Variants in TENM2 observed in about 807,000 individuals in gnomAD.
The protein encoded by TENM2 is teneurin transmembrane protein 2.
In TENM2, 52 loss-of-function variants were observed where a neutral mutation model predicts 245.2. The ratio of observed to expected loss-of-function variants is 0.21; its 90% confidence interval spans 0.17 to 0.27. TENM2 has a LOEUF of 0.27. TENM2 is among the 10% of genes least tolerant of loss of function. TENM2 has a pLI of 1.00. For missense variants in TENM2, 3,046 were observed against 3,666.8 expected (o/e 0.83, Z 4.37); for synonymous variants, 1,363 against 1,438.9 (o/e 0.95, Z 1.19).
the TENM2 span, among the ~76,000 whole-genome samples, chr5:167,259,298 C>T: frequency 3.3e-5 from 5 of 152,262 alleles, no homozygotes; most frequent in Non-Finnish European, 5.9e-5. Context: ...GGATCTGGAG[C>T]TAGTTCCCAC....
chr5:167,462,329 G>A (rs1369860557), intron 2 of TENM2, among the ~76,000 whole-genome samples: 4 of 152,100 alleles, frequency 2.6e-5, no homozygotes, highest in Non-Finnish European at 4.4e-5. Context: ...CCCCATGGTA[G>A]CATCTACAGG....
intron 13 of TENM2, among the ~76,000 whole-genome samples, chr5:168,169,932 A>C (rs1758650275): frequency 6.6e-6 from 1 of 152,206 alleles, no homozygotes; most frequent in Admixed American, 6.5e-5. Flanking sequence ...TAGCTCCCAG[A>C]GAGAAAAGCA....
chr5:168,113,341 G>T (rs1474111395), intron 9 of TENM2, among the ~76,000 whole-genome samples: 1 of 151,930 alleles, frequency 6.6e-6, no homozygotes, highest in South Asian at 2.1e-4. Context: ...AATAATAATA[G>T]TAATAAAATG....
At chr5:167,408,867 A>G (rs1382542982) in intron 2 of TENM2, among the ~76,000 whole-genome samples, 1 of 150,356 alleles carries the variant, frequency 6.7e-6, no homozygotes, top group Non-Finnish European at 1.5e-5. Flanking sequence ...TATCTTACAT[A>G]TGGCATAGCA....
chr5:167,228,861 C>T, the TENM2 span, among the ~76,000 whole-genome samples: 8 of 152,132 alleles, frequency 5.3e-5, no homozygotes, highest in East Asian at 3.9e-4. Context: ...CCCGCCACCA[C>T]GCCCGGCTAC....
At chr5:168,249,868 A>G (rs944233697) in intron 27 of TENM2, among the ~76,000 whole-genome samples, 2 of 152,118 alleles carry the variant, frequency 1.3e-5, no homozygotes, top group Non-Finnish European at 2.9e-5. Flanking sequence ...ACAAAAAGAA[A>G]TGAAAGGAAA....
chr5:167,207,192 A>T, the TENM2 span, among the ~76,000 whole-genome samples: 3 of 152,200 alleles, frequency 2.0e-5, no homozygotes, highest in Admixed American at 1.3e-4. Context: ...TCTTGGTGAG[A>T]AATTGGCAGA....
At chr5:167,304,592 T>C (rs930142517) in intron 1 of TENM2, among the ~76,000 whole-genome samples, 4 of 152,252 alleles carry the variant, frequency 2.6e-5, no homozygotes, top group African/African-American at 9.6e-5. Context: ...GGAATATTTG[T>C]AACTTATTTT....
chr5:167,689,318 C>T (rs1465569987), intron 2 of TENM2, among the ~76,000 whole-genome samples: 3 of 152,158 alleles, frequency 2.0e-5, no homozygotes, highest in African/African-American at 7.2e-5. Flanking sequence ...CCCAGTTGCC[C>T]ATCCGAGCTT....
At chr5:168,037,538 C>CTTTTTTTTTT (rs35253311) in intron 5 of TENM2, among the ~76,000 whole-genome samples, 1 of 135,634 alleles carries the variant, frequency 7.4e-6, no homozygotes, top group Non-Finnish European at 1.5e-5. Flanking sequence ...CCATAATGGT[C>CTTTTTTTTTT]TTTTTTTTTT....
chr5:167,607,276 G>T (rs1400258105), intron 2 of TENM2, among the ~76,000 whole-genome samples: 1 of 152,132 alleles, frequency 6.6e-6, no homozygotes, highest in African/African-American at 2.4e-5. Context: ...GAGACTGAAT[G>T]CCCCACTGAA....
chr5:167,103,979 G>A, the TENM2 span, among the ~76,000 whole-genome samples: 119 of 151,808 alleles, frequency 7.8e-4, no homozygotes, highest in African/African-American at 2.7e-3. Context: ...CCTCTATACC[G>A]ACTGGCAAAC....
chr5:167,857,435 C>T (rs1183885140), intron 2 of TENM2, among the ~76,000 whole-genome samples: 1 of 152,152 alleles, frequency 6.6e-6, no homozygotes, highest in Admixed American at 6.5e-5. Flanking sequence ...AATTTCTTCC[C>T]CTAGGCAGCT....
At chr5:167,498,621 C>T (rs892675777) in intron 2 of TENM2, among the ~76,000 whole-genome samples, 1 of 152,104 alleles carries the variant, frequency 6.6e-6, no homozygotes, top group Non-Finnish European at 1.5e-5. Flanking sequence ...ATAAACAAAA[C>T]AGTTTCTCCT....
the TENM2 span, among the ~76,000 whole-genome samples, chr5:166,982,793 G>T: frequency 1.0e-4 from 15 of 147,912 alleles, no homozygotes; most frequent in Non-Finnish European, 1.4e-4. Flanking sequence ...GTTTTTTTTG[G>T]GGGGGGGAGG....
intron 2 of TENM2, among the ~76,000 whole-genome samples, chr5:167,518,069 C>T (rs1770509056): frequency 6.6e-6 from 1 of 151,892 alleles, no homozygotes; most frequent in Non-Finnish European, 1.5e-5. Context: ...CACCTGTAAT[C>T]CCAGCTATCA....
At chr5:167,149,648 G>A in the TENM2 span, among the ~76,000 whole-genome samples, 1 of 152,108 alleles carries the variant, frequency 6.6e-6, no homozygotes, top group African/African-American at 2.4e-5. Flanking sequence ...GGAATAACCT[G>A]TGCTGCTCTT....
At chr5:167,095,221 G>T in the TENM2 span, among the ~76,000 whole-genome samples, 2 of 152,196 alleles carry the variant, frequency 1.3e-5, no homozygotes, top group Non-Finnish European at 2.9e-5. Context: ...TGATGGAAAT[G>T]AACAGGGTGT....
At chr5:167,505,042 T>A (rs1769447800) in intron 2 of TENM2, among the ~76,000 whole-genome samples, 1 of 152,150 alleles carries the variant, frequency 6.6e-6, no homozygotes, top group African/African-American at 2.4e-5. Context: ...GGAAAACAAA[T>A]CAGGGGTAAA....
Sources: allele counts gnomAD v4.1 joint callset (sites outside exome capture counted in the v4.1 genomes callset), GRCh38; gene constraint gnomAD v4.1.1; transcripts MANE v1.5; gene names NCBI Gene and HGNC (gene_info 2026-07-23, HGNC 2026-07-21).